RUFY2: variants seen among roughly 807,000 people sequenced by gnomAD.
RUFY2 encodes the protein RUN and FYVE domain-containing protein 2.
In RUFY2, 49 loss-of-function variants were observed where a neutral mutation model predicts 94.4. The observed-to-expected ratio is 0.52, with a 90% CI of 0.41 to 0.66. The LOEUF (loss-of-function observed/expected upper bound fraction) is 0.66, where lower values mean the gene tolerates loss of function less well. Ranked by LOEUF, RUFY2 falls within the 30% of genes least tolerant of loss-of-function variation. The probability of loss-of-function intolerance (pLI) is 0.00; values close to 1 mark genes in which losing one functional copy is unlikely to be tolerated. For missense variants in RUFY2, 541 were observed against 692.8 expected (o/e 0.78, Z 2.46); for synonymous variants, 255 against 235.7 (o/e 1.08, Z -0.75).
chr10:68,359,073 C>T (rs1219208234), intron 15 of RUFY2, among the ~76,000 whole-genome samples: 1 of 151,826 alleles, frequency 6.6e-6, no homozygotes, highest in Non-Finnish European at 1.5e-5. Context: ...TCCCAATAAC[C>T]ATAATGTACA....
chr10:68,382,335 C>T (rs1351094342), intron 10 of RUFY2, among the ~76,000 whole-genome samples: 3 of 151,534 alleles, frequency 2.0e-5, no homozygotes, highest in Non-Finnish European at 4.4e-5. Context: ...GGATTACAGG[C>T]GTGAGCCACC....
At chr10:68,393,115 T>G in intron 7 of RUFY2, 23 bp downstream of exon 7, 2 of 1,290,626 alleles carry the variant, frequency 1.5e-6, no homozygotes, top group Non-Finnish European at 2.2e-6. Flanking sequence ...TTCATAAATG[T>G]GCTAAGTATC....
intron 13 of RUFY2, among the ~76,000 whole-genome samples, chr10:68,366,187 T>A (rs2047796434): frequency 6.7e-6 from 1 of 150,106 alleles, no homozygotes; most frequent in South Asian, 2.1e-4. Context: ...ATTAGCCGGG[T>A]GTGCTGGTGC....
intron 15 of RUFY2, among the ~76,000 whole-genome samples, chr10:68,357,511 C>T (rs562689448): frequency 1.3e-3 from 197 of 152,048 alleles, no homozygotes; most frequent in Non-Finnish European, 2.5e-3. Flanking sequence ...GGATTACACA[C>T]GTGAGTCACC....
At chr10:68,395,975 T>C (rs2050361511) in intron 4 of RUFY2, among the ~76,000 whole-genome samples, 1 of 152,134 alleles carries the variant, frequency 6.6e-6, no homozygotes, top group Admixed American at 6.6e-5. Context: ...TGAAAATCTG[T>C]CTTAAATAAA....
intron 13 of RUFY2, among the ~76,000 whole-genome samples, chr10:68,375,798 C>A (rs933500477): frequency 1.1e-4 from 16 of 150,010 alleles, no homozygotes; most frequent in Non-Finnish European, 2.1e-4. Flanking sequence ...AAATCAGACA[C>A]AATTAAAACA....
intron 4 of RUFY2, 122 bp downstream of exon 4, chr10:68,396,658 T>G (rs756040147): frequency 1.7e-5 from 10 of 586,776 alleles, no homozygotes; most frequent in Non-Finnish European, 2.8e-5. Context: ...TTGCTCCTCC[T>G]CTTATTTTAT....
Position 68,345,350 on chromosome 10 carries a change from T to C in RUFY2, c.*418A>G. ...ATAATGAAAATCTGTTGAATTAGAA[T>C]ATTAATAATTTTAAAAGTTTTATGC... is the stretch of plus-strand genomic sequence containing the variant. On this transcript the variant is annotated 3_prime_UTR_variant, in exon 18 of 18. Coordinates refer to ENST00000602465, the MANE Select transcript of RUFY2 (RefSeq NM_001330103.2). 1 of 353,920 alleles carries C rather than the reference T, an allele frequency of 2.8e-6. No individual in the cohort carries two copies. Among genetic ancestry groups the C allele is most frequent in the Non-Finnish European group, 5.0e-6 (1 of 199,336 alleles). 21.9% of individuals were successfully genotyped at this position (353,920 alleles called of 1,614,324 possible).
chr10:68,341,636 G>T, downstream of RUFY2: 1 of 1,613,696 alleles, frequency 6.2e-7, no homozygotes, highest in Non-Finnish European at 8.5e-7. Context: ...GGCGGCTCTG[G>T]CATGGGAGGT....
At chr10:68,367,595 C>T (rs1011418753) in intron 13 of RUFY2, among the ~76,000 whole-genome samples, 2 of 152,164 alleles carry the variant, frequency 1.3e-5, no homozygotes, top group Non-Finnish European at 2.9e-5. Flanking sequence ...GCTGGGGCTA[C>T]AGGTGTGTGC....
chr10:68,355,027 A>T (rs1228657550), intron 16 of RUFY2, among the ~76,000 whole-genome samples: 1 of 152,056 alleles, frequency 6.6e-6, no homozygotes, highest in Non-Finnish European at 1.5e-5. Context: ...TTGTATTTTT[A>T]GTAGAGATGG....
At chr10:68,387,837 T>C (rs2049631538) in intron 7 of RUFY2, among the ~76,000 whole-genome samples, 1 of 151,984 alleles carries the variant, frequency 6.6e-6, no homozygotes, top group Non-Finnish European at 1.5e-5. Context: ...ACCCCGTCTC[T>C]ACTAAAAATA....
intron 13 of RUFY2, among the ~76,000 whole-genome samples, chr10:68,366,120 A>C (rs1033719775): frequency 6.6e-6 from 1 of 152,128 alleles, no homozygotes; most frequent in Admixed American, 6.6e-5. Context: ...TGAGGCCAAG[A>C]GTTCAAGACC....
At chr10:68,407,003 C>G (rs190561499) in intron 1 of RUFY2, 183 bp downstream of exon 1, 150 of 1,500,902 alleles carry the variant, frequency 1.0e-4, no homozygotes, top group Non-Finnish European at 1.3e-4. Context: ...AGGGAGGGGG[C>G]GCGTTGCCAT....
chr10:68,357,822 G>C (rs1014084204), intron 15 of RUFY2, among the ~76,000 whole-genome samples: 9 of 152,078 alleles, frequency 5.9e-5, no homozygotes, highest in African/African-American at 2.2e-4. Context: ...ATATAAAATA[G>C]TATATATAAT....
At chr10:68,400,388 A>T (rs2050722457) in intron 3 of RUFY2, among the ~76,000 whole-genome samples, 1 of 152,124 alleles carries the variant, frequency 6.6e-6, no homozygotes, top group African/African-American at 2.4e-5. Context: ...TAAAGAATAT[A>T]AGAACTGGTC....
intron 7 of RUFY2, among the ~76,000 whole-genome samples, chr10:68,387,081 G>A (rs1260932618): frequency 6.6e-6 from 1 of 152,152 alleles, no homozygotes; most frequent in African/African-American, 2.4e-5. Context: ...TGTTGGCCAG[G>A]CACAGTGGCT....
chr10:68,370,114 T>C (rs150209321), intron 13 of RUFY2, among the ~76,000 whole-genome samples: 5,524 of 151,854 alleles, frequency 0.036, 310 homozygotes, highest in African/African-American at 0.13. Context: ...CAAAACCTCA[T>C]CTCTACAAAA....
At chr10:68,362,241 T>C (rs1373890792) in intron 15 of RUFY2, among the ~76,000 whole-genome samples, 1 of 152,068 alleles carries the variant, frequency 6.6e-6, no homozygotes, top group Non-Finnish European at 1.5e-5. Flanking sequence ...GGTGAGAGAA[T>C]AGCGTGAGCC....
Sources: allele counts gnomAD v4.1 joint callset (sites outside exome capture counted in the v4.1 genomes callset), GRCh38; gene constraint gnomAD v4.1.1; transcripts MANE v1.5; gene names NCBI Gene and HGNC (gene_info 2026-07-23, HGNC 2026-07-21).